Variants in NTNG1 observed in about 807,000 individuals in gnomAD.
NTNG1 encodes the protein netrin G1, also known as netrin-G1.
A neutral mutation model predicts 54.0 loss-of-function variants in NTNG1; 16 were observed. The ratio of observed to expected loss-of-function variants is 0.30; its 90% CI spans 0.20 to 0.45. NTNG1 has a LOEUF of 0.45. Ranked by LOEUF, NTNG1 falls within the 20% of genes least tolerant of loss-of-function variation. The pLI is 1.00. For missense variants in NTNG1, 530 were observed against 678.7 expected (o/e 0.78, Z 2.43); for synonymous variants, 255 against 263.1 (o/e 0.97, Z 0.30).
At chr1:107,172,265 A>C (rs1340305516) in intron 2 of NTNG1, among the ~76,000 whole-genome samples, 3 of 152,194 alleles carry the variant, frequency 2.0e-5, no homozygotes, top group African/African-American at 7.2e-5. Flanking sequence ...GATTCATCCC[A>C]GTTTCAAAAC....
At position 107,429,330 on chromosome 1, in the gene NTNG1, T is replaced by C. The variant is rs185732310; in HGVS notation, c.1088-1420T>C. On this transcript the variant is annotated intron_variant, in intron 5 of 7. Coordinates refer to ENST00000370068, the MANE Select transcript of NTNG1 (RefSeq NM_001113226.3). ...TCTAACAAATGAATATGAACTTTTC[T>C]GATGAGTGGTAGCATATTAATTTTT... is the stretch of plus-strand genomic sequence containing the variant. 5.8e-3 allele frequency among the ~76,000 whole-genome samples: 882 copies of C among 152,290 alleles called. 13 individuals carry two copies. The highest frequency in any genetic ancestry group is 0.02 in the African/African-American group (843 of 41,576).
chr1:107,385,323 CTGCCATAGTCCATGTGGTCCTGGT>C (rs1193426350), intron 3 of NTNG1, among the ~76,000 whole-genome samples: 1 of 151,908 alleles, frequency 6.6e-6, no homozygotes, highest in Non-Finnish European at 1.5e-5. Flanking sequence ...TCTCTGGTCT[CTGCCATAGTCCATGTGGTCCTGGT>C]CTCTGCCATA....
intron 7 of NTNG1, among the ~76,000 whole-genome samples, chr1:107,460,189 T>TC (rs2101536330): frequency 6.6e-6 from 1 of 152,292 alleles, no homozygotes; most frequent in Non-Finnish European, 1.5e-5. Flanking sequence ...TGGGTTCTCG[T>TC]CGTGAGCTTC....
At chr1:107,348,007 C>G (rs183552142) in intron 3 of NTNG1, among the ~76,000 whole-genome samples, 12 of 152,202 alleles carry the variant, frequency 7.9e-5, no homozygotes, top group Admixed American at 7.2e-4. Flanking sequence ...GGACACAGAG[C>G]CAAACCATAT....
At chr1:107,256,317 T>C (rs528561540) in intron 2 of NTNG1, among the ~76,000 whole-genome samples, 34 of 152,298 alleles carry the variant, frequency 2.2e-4, no homozygotes, top group African/African-American at 7.7e-4. Context: ...GTACTTGGTG[T>C]TTTCTGGAGC....
chr1:107,481,086 C>A lies in NTNG1; in HGVS notation c.*246C>A, dbSNP rs187164693. The A allele has an allele frequency of 6.0e-6, 3 of 503,234 alleles. No homozygotes were observed. In the East Asian group the frequency reaches 8.9e-5, roughly 15 times the overall value. The allele number at this position is 503,234 out of a possible 1,614,324, so 31.2% of individuals were successfully genotyped here. On this transcript the variant is annotated 3_prime_UTR_variant, in exon 8 of 8. Coordinates refer to ENST00000370068, the MANE Select transcript of NTNG1 (RefSeq NM_001113226.3). ...GATATTATCACTGCAAATCACATTG[C>A]CAGCTGCAGAGCATATTGTGGATTG...
chr1:107,429,163 C>T (rs1029515881), intron 5 of NTNG1, among the ~76,000 whole-genome samples: 3 of 152,184 alleles, frequency 2.0e-5, no homozygotes, highest in Admixed American at 6.5e-5. Context: ...TCTCTTTTAG[C>T]AACTGGGGTC....
intron 2 of NTNG1, among the ~76,000 whole-genome samples, chr1:107,289,026 A>G (rs1046085936): frequency 5.9e-5 from 9 of 152,166 alleles, no homozygotes; most frequent in African/African-American, 1.9e-4. Context: ...TGATTATTTC[A>G]GAATCTACAT....
intron 3 of NTNG1, among the ~76,000 whole-genome samples, chr1:107,363,339 A>G (rs1024442220): frequency 4.0e-5 from 6 of 151,686 alleles, no homozygotes; most frequent in African/African-American, 1.5e-4. Context: ...CCAGAAAGCC[A>G]CATGGAGTAT....
chr1:107,436,477 A>C (rs558414627), intron 6 of NTNG1, among the ~76,000 whole-genome samples, 188 bp from the exon 7 acceptor site: 3 of 152,352 alleles, frequency 2.0e-5, no homozygotes, highest in African/African-American at 7.2e-5. Flanking sequence ...CCATATCATA[A>C]AAATGATATC....
At chr1:107,455,295 C>A (rs577418140) in intron 7 of NTNG1, among the ~76,000 whole-genome samples, 4 of 152,280 alleles carry the variant, frequency 2.6e-5, no homozygotes, top group African/African-American at 9.6e-5. Context: ...AACTCCTGAC[C>A]TCCAGTGATC....
rs1341892162 is a variant in NTNG1, at chr1:107,361,186, A to T, written c.888-33968A>T. ...TAAAATATAATATATATTATATTAT[A>T]TATAATTATGTATAAAATAAATATA... On this transcript the variant is annotated intron_variant, in intron 3 of 7. Coordinates refer to ENST00000370068, the MANE Select transcript of NTNG1 (RefSeq NM_001113226.3). Among the ~76,000 whole-genome samples, 6 of 144,508 alleles carry T rather than the reference A, an allele frequency of 4.2e-5. No individual in the cohort carries two copies. The Admixed American group carries it at 4.2e-4, about 10-fold the overall frequency. The allele number at this position is 144,508 out of a possible 152,430, so 94.8% of individuals were successfully genotyped here.
chr1:107,424,816 T>A (rs181465932), intron 5 of NTNG1, among the ~76,000 whole-genome samples: 1 of 152,020 alleles, frequency 6.6e-6, no homozygotes. Flanking sequence ...CACTAATTAA[T>A]TGGGGAGTCA....
At chr1:107,319,858 C>T (rs1667551071) in intron 2 of NTNG1, among the ~76,000 whole-genome samples, 1 of 102,760 alleles carries the variant, frequency 9.7e-6, no homozygotes, top group Non-Finnish European at 2.2e-5. Flanking sequence ...TATCGCTTAC[C>T]TGAGGTTTAT....
chr1:107,257,105 A>T (rs1244525712), intron 2 of NTNG1, among the ~76,000 whole-genome samples: 1 of 152,216 alleles, frequency 6.6e-6, no homozygotes, highest in Non-Finnish European at 1.5e-5. Context: ...GCTCCAAAAA[A>T]TAATGGTAAA....
chr1:107,223,577 G>C (rs78236136), intron 2 of NTNG1, among the ~76,000 whole-genome samples: 2 of 152,038 alleles, frequency 1.3e-5, no homozygotes, highest in Non-Finnish European at 2.9e-5. Context: ...ACTATGTTTT[G>C]TTATAGCTAA....
At chr1:107,402,420 C>T (rs1266080738) in intron 4 of NTNG1, among the ~76,000 whole-genome samples, 1 of 152,114 alleles carries the variant, frequency 6.6e-6, no homozygotes, top group East Asian at 1.9e-4. Flanking sequence ...TCAGGATGCT[C>T]CTTTTGTGAG....
chr1:107,164,225 C>T (rs1655607306), intron 2 of NTNG1, among the ~76,000 whole-genome samples: 1 of 152,220 alleles, frequency 6.6e-6, no homozygotes, highest in Admixed American at 6.5e-5. Flanking sequence ...TCAGCCTCCA[C>T]CTCTAGCTTG....
In NTNG1 at chr1:107,482,059, A is replaced by AG. The variant is rs1678757668; in HGVS notation, c.*1219_*1220insG. ...ACTTGGGAAAAATTACAACAGCAAA[A>AG]AAAAAAAAAAAAAAAAAAAAAAATC... is the stretch of plus-strand genomic sequence containing the variant. On this transcript the variant is annotated 3_prime_UTR_variant, in exon 8 of 8. Transcript: ENST00000370068. 4.3e-5 allele frequency: 1 copy of AG among 23,230 alleles called. No individual in the cohort carries two copies. Among genetic ancestry groups the AG allele is most frequent in the African/African-American group, 1.4e-4 (1 of 7,142 alleles). 1.4% of individuals were successfully genotyped at this position (23,230 alleles called of 1,614,324 possible). A position where few individuals can be genotyped will look rare whatever the true frequency, so the allele number is the denominator to read the frequency against.
Sources: gnomAD v4.1 joint callset for allele counts (sites outside exome capture counted in the v4.1 genomes callset) on GRCh38, gnomAD v4.1.1 for gene constraint, MANE v1.5 for transcripts, NCBI Gene and HGNC (gene_info 2026-07-23, HGNC 2026-07-21) for gene names.